RYR1: variants seen among roughly 807,000 people sequenced by gnomAD.
RYR1 encodes central core disease of muscle.
In RYR1, 342 loss-of-function variants were observed where a neutral mutation model predicts 583.5. The observed-to-expected ratio is 0.59, with a 90% CI of 0.54 to 0.64. The LOEUF is 0.64. Among genes scored for constraint, RYR1 ranks in the 30% least tolerant of loss-of-function variants. The pLI, the probability that RYR1 is intolerant of heterozygous loss-of-function variation, is 0.00. For missense variants in RYR1, 6,032 were observed against 6,917.2 expected (o/e 0.87, Z 4.54); for synonymous variants, 2,791 against 2,822.5 (o/e 0.99, Z 0.35).
chr19:38,546,318 G>T, intron 87 of RYR1, 127 bp from the exon 88 acceptor site: 2 of 752,916 alleles, frequency 2.7e-6, no homozygotes, highest in African/African-American at 1.7e-5. Context: ...TCTGGACTCG[G>T]GTCCCCTCGG....
In RYR1 at chr19:38,483,606, C is replaced by G; in HGVS notation, c.4934+90C>G. 1 of 1,178,278 alleles carries G rather than the reference C, an allele frequency of 8.5e-7. No homozygotes were observed. Among genetic ancestry groups the G allele is most frequent in the Non-Finnish European group, 1.2e-6 (1 of 826,966 alleles). The allele number at this position is 1,178,278 out of a possible 1,614,324, so 73.0% of individuals were successfully genotyped here. On this transcript the variant is annotated intron_variant, in intron 33 of 105. Coordinates refer to ENST00000359596, the MANE Select transcript of RYR1 (RefSeq NM_000540.3). This position sits in a 1 kb window ranked among gnomAD's most constrained non-coding sequence, Gnocchi z 6.3. The stretch of plus-strand genomic sequence containing the variant: ...ACTCAGTGCCCCTCCTCAACACAAC[C>G]CCGGGATTCCAGACTACACCCCAGG...
At chr19:38,502,451 G>A in intron 47 of RYR1, 56 bp from the exon 48 acceptor site, 2 of 1,512,388 alleles carry the variant, frequency 1.3e-6, no homozygotes, top group African/African-American at 1.4e-5. Context: ...CAAGACAGGT[G>A]CCAGAGCAGC....
Position 38,502,917 on chromosome 19 carries a change from C to T in RYR1, c.7873C>T (p.Arg2625Cys), listed in dbSNP as rs377686237. The part of the protein sequence containing the change: ...RPSMLQHLLR[R>C]LVFDVPILNE... ...GTCGATGCTGCAGCACCTGTTGCGC[C>T]GCCTGGTGTTCGACGTGCCCATCCT... The change falls in exon 49 of 106, where the codon CGC becomes TGC. Residue 2625 changes from arginine to cysteine, a missense_variant. This residue lies in a region of RYR1 where 250 missense variants were observed against 162.3 expected (regional missense o/e 1.54). Coordinates refer to ENST00000359596, the MANE Select transcript of RYR1 (RefSeq NM_000540.3). The T allele has an allele frequency of 1.7e-5, 27 of 1,611,690 alleles. No homozygotes were observed. Among genetic ancestry groups the T allele is most frequent in the Middle Eastern group, 1.6e-4 (1 of 6,084 alleles).
At position 38,496,525 on chromosome 19, in the gene RYR1, C is replaced by T. The variant is rs778644453; in HGVS notation, c.6780C>T (p.Asn2260=). Residue 2260 remains asparagine, a synonymous_variant, in exon 41 of 106, where the codon AAC becomes AAT. Transcript: ENST00000359596. This position sits in a 1 kb window ranked among gnomAD's most constrained non-coding sequence, Gnocchi z 4.8. ...ACCACCTGAGCTACCTGCTGGAGAA[C>T]AGTGGCATCGGCCTGGGTGAGAACC... ...MFDHLSYLLE[N]SGIGLGMQGS... 4 of 1,613,360 alleles carry T rather than the reference C, an allele frequency of 2.5e-6. No individual in the cohort carries two copies. The East Asian group carries it at 8.9e-5, about 36-fold the overall frequency.
intron 84 of RYR1, among the ~76,000 whole-genome samples, chr19:38,542,934 G>A (rs1015242320): frequency 3.3e-5 from 5 of 151,622 alleles, no homozygotes; most frequent in African/African-American, 7.3e-5. Context: ...CTCTGCCTCC[G>A]GGGTTGAAGC....
intron 27 of RYR1, among the ~76,000 whole-genome samples, chr19:38,469,759 C>A (rs1211257929): frequency 6.6e-6 from 1 of 151,814 alleles, no homozygotes; most frequent in African/African-American, 2.4e-5. Flanking sequence ...AGCAAAACTC[C>A]ATCTCTAAAA....
At position 38,561,536 on chromosome 19, in the gene RYR1, A is replaced by G. The variant is rs1230452696; in HGVS notation, c.12624+82A>G. 1.2e-5 allele frequency: 16 copies of G among 1,354,086 alleles called. No homozygotes were observed. The highest frequency in any genetic ancestry group is 2.5e-4 in the Middle Eastern group (1 of 4,072). The allele number at this position is 1,354,086 out of a possible 1,614,324, so 83.9% of individuals were successfully genotyped here. ...CTCACTTCCTGCACCCTCAGACCCC[A>G]CGGGGGCTGTGCGTGCCTCGCATAT... On this transcript the variant is annotated intron_variant, in intron 90 of 105. Coordinates refer to ENST00000359596, the MANE Select transcript of RYR1 (RefSeq NM_000540.3). The surrounding 1 kb of genome is among the most constrained non-coding windows in gnomAD (Gnocchi z 4.8).
intron 39 of RYR1, among the ~76,000 whole-genome samples, chr19:38,495,259 A>T (rs182633391): frequency 4.6e-5 from 7 of 152,266 alleles, no homozygotes; most frequent in African/African-American, 1.7e-4. Context: ...GCGAATAATA[A>T]TAATTATGGT....
At chr19:38,460,100 G>C (rs1405026662) in intron 19 of RYR1, among the ~76,000 whole-genome samples, 8 of 152,196 alleles carry the variant, frequency 5.3e-5, no homozygotes, top group South Asian at 2.1e-4. Context: ...CTGAAGGACT[G>C]TTCCATGACC....
At chr19:38,540,396 A>G (rs1331480231) in intron 84 of RYR1, among the ~76,000 whole-genome samples, 1 of 140,630 alleles carries the variant, frequency 7.1e-6, no homozygotes, top group East Asian at 2.1e-4. Context: ...CATATACTAC[A>G]GTATAATAAA....
At chr19:38,559,560 G>A (rs994792072) in intron 89 of RYR1, among the ~76,000 whole-genome samples, 1 of 151,958 alleles carries the variant, frequency 6.6e-6, no homozygotes, top group African/African-American at 2.4e-5. Context: ...GACAGACAGT[G>A]TCACACTGCT....
intron 38 of RYR1, 54 bp from the exon 39 acceptor site, chr19:38,494,298 A>C: frequency 6.2e-7 from 1 of 1,608,636 alleles, no homozygotes; most frequent in South Asian, 1.1e-5. Context: ...CCAAGGCCCC[A>C]TGTGCCGACC....
chr19:38,489,116 C>A, intron 34 of RYR1, 61 bp from the exon 35 acceptor site: 1 of 1,471,004 alleles, frequency 6.8e-7, no homozygotes, highest in Non-Finnish European at 9.5e-7. Flanking sequence ...GAGAATGAGG[C>A]CAGGGCCTGA....
At chr19:38,462,443 C>T (rs1600697820) in intron 20 of RYR1, among the ~76,000 whole-genome samples, 1 of 151,662 alleles carries the variant, frequency 6.6e-6, no homozygotes, top group Non-Finnish European at 1.5e-5. Flanking sequence ...CTGTCCCCAT[C>T]CCCCAGCCTG....
chr19:38,531,359 A>G (rs1212029148), intron 76 of RYR1, among the ~76,000 whole-genome samples: 1 of 151,958 alleles, frequency 6.6e-6, no homozygotes, highest in African/African-American at 2.4e-5. Flanking sequence ...TCCCCCACCG[A>G]TAAAATAGGG....
Position 38,502,797 on chromosome 19 carries a change from GCA to G in RYR1, c.7835+71_7835+72del, listed in dbSNP as rs1491188162. On this transcript the variant is annotated intron_variant, in intron 48 of 105. Coordinates refer to ENST00000359596, the MANE Select transcript of RYR1 (RefSeq NM_000540.3). ...GGCAGGGGCAGGGGCAGGGGCAGGG[GCA>G]GGGGCAGGGGGAGGAGCAGGGGCAG... The G allele has an allele frequency of 4.6e-4, 365 of 788,818 alleles. 10 individuals carry two copies. Among genetic ancestry groups the G allele is most frequent in the Admixed American group, 1.2e-3 (37 of 30,488 alleles). The allele number at this position is 788,818 out of a possible 1,614,324, so 48.9% of individuals were successfully genotyped here.
intron 58 of RYR1, among the ~76,000 whole-genome samples, chr19:38,510,227 AG>A: frequency 6.6e-6 from 1 of 152,242 alleles, no homozygotes; most frequent in Non-Finnish European, 1.5e-5. Flanking sequence ...AGGCTGAGTC[AG>A]GAGAATCGCT....
At chr19:38,493,858 C>T (rs554151699) in intron 38 of RYR1, among the ~76,000 whole-genome samples, 1 of 152,114 alleles carries the variant, frequency 6.6e-6, no homozygotes, top group Non-Finnish European at 1.5e-5. Flanking sequence ...GGGATTGTGA[C>T]ATGTGCCTTC....
chr19:38,537,075 C>G (rs764690145), intron 83 of RYR1: 1 of 510,796 alleles, frequency 2.0e-6, no homozygotes, highest in Non-Finnish European at 3.5e-6. Flanking sequence ...TGGATATTGT[C>G]GGACTTCCAG....
Sources: allele counts gnomAD v4.1 joint callset (sites outside exome capture counted in the v4.1 genomes callset), GRCh38; gene constraint gnomAD v4.1.1; regional missense constraint gnomAD v4.1.1; non-coding constraint Gnocchi (gnomAD v3.1); transcripts MANE v1.5; gene names NCBI Gene and HGNC (gene_info 2026-07-23, HGNC 2026-07-21).